The following TTI1 variants were observed in gnomAD, a reference collection of about 807,000 sequenced individuals.
The protein encoded by TTI1 is TELO2 interacting protein 1.
In TTI1, 52 loss-of-function variants were observed where a neutral mutation model predicts 85.4. The ratio of observed to expected loss-of-function variants is 0.61; its 90% CI spans 0.49 to 0.77. The LOEUF (loss-of-function observed/expected upper bound fraction) is 0.77. Ranked by LOEUF, TTI1 falls within the 30% of genes least tolerant of loss-of-function variation. TTI1 has a pLI of 0.00. For synonymous variants in TTI1, 512 were observed against 503.9 expected (o/e 1.02, Z -0.22); for missense variants, 1,173 against 1,296.0 (o/e 0.91, Z 1.46).
At chr20:38,006,546 C>G in intron 2 of TTI1, 149 bp from the exon 3 acceptor site, 1 of 802,862 alleles carries the variant, frequency 1.2e-6, no homozygotes. Context: ...TGCCCATTAA[C>G]TCATCCTTTT....
rs6091654 is a variant in TTI1, at chr20:38,011,566, T to C, written c.2251A>G (p.Lys751Glu). The change falls in exon 2 of 8, where the codon AAG (lysine) becomes GAG (glutamate). Residue 751 changes from lysine (K) to glutamate (E), a missense_variant. Transcript: ENST00000373447. ...ACGCTGACAAAGGAAGCAGCTCTCT[T>C]ATCGTAAAATTGGTCCAGGGTGGCC... ...VLATLDQFYD[K>E]RAASFVSVLH... 1.1e-4 allele frequency: 184 copies of C among 1,614,040 alleles called. No individual in the cohort carries two copies. In the African/African-American group the frequency reaches 2.2e-3, roughly 20 times the overall value.
chr20:38,023,599 G>C (rs1458717798), intron 1 of TTI1, among the ~76,000 whole-genome samples: 3 of 152,164 alleles, frequency 2.0e-5, no homozygotes, highest in Non-Finnish European at 4.4e-5. Context: ...TTAAAATGAT[G>C]AGTTTATTTC....
intron 1 of TTI1, among the ~76,000 whole-genome samples, chr20:38,028,775 G>A (rs1231392113): frequency 6.6e-6 from 1 of 152,248 alleles, no homozygotes; most frequent in Non-Finnish European, 1.5e-5. Flanking sequence ...GTGGCTCGAT[G>A]ATGGCTCACT....
At chr20:38,027,198 G>C (rs1198930352) in intron 1 of TTI1, among the ~76,000 whole-genome samples, 2 of 152,218 alleles carry the variant, frequency 1.3e-5, no homozygotes, top group Non-Finnish European at 2.9e-5. Context: ...ACCAAAATCA[G>C]AGGATGTTGA....
At chr20:38,017,877 G>A (rs1289002094) in intron 1 of TTI1, among the ~76,000 whole-genome samples, 1 of 152,186 alleles carries the variant, frequency 6.6e-6, no homozygotes, top group African/African-American at 2.4e-5. Flanking sequence ...GAAAGCCCTG[G>A]AGGACCATAC....
chr20:38,018,288 T>C (rs1223255634), intron 1 of TTI1, among the ~76,000 whole-genome samples: 1 of 151,848 alleles, frequency 6.6e-6, no homozygotes, highest in Non-Finnish European at 1.5e-5. Context: ...CTGAAATCTA[T>C]AAAAAAAATC....
At position 38,011,662 on chromosome 20, in the gene TTI1, G is replaced by A; in HGVS notation, c.2155C>T (p.Leu719=). The A allele has an allele frequency of 1.2e-6, 2 of 1,614,206 alleles. No homozygotes were observed. The highest frequency in any genetic ancestry group is 1.7e-6 in the Non-Finnish European group (2 of 1,180,040). The stretch of plus-strand genomic sequence containing the variant: ...TCTGAGTTCCGCAGCATGACTTCCA[G>A]GACCTTTGGGGTATGAGGATGCAGA... ...LALHPHTPKV[L]EVMLRNSDAN... The change falls in exon 2 of 8, where the codon CTG becomes TTG. Residue 719 remains leucine (L), a synonymous_variant. Coordinates refer to ENST00000373447, the MANE Select transcript of TTI1 (RefSeq NM_001303457.2).
intron 1 of TTI1, among the ~76,000 whole-genome samples, chr20:38,019,347 A>G (rs2073730473): frequency 6.6e-6 from 1 of 152,196 alleles, no homozygotes; most frequent in African/African-American, 2.4e-5. Context: ...AATAACTATT[A>G]TGTCTTCTGT....
chr20:37,987,637 A>T (rs1038602891), intron 7 of TTI1, among the ~76,000 whole-genome samples: 1 of 152,238 alleles, frequency 6.6e-6, no homozygotes, highest in African/African-American at 2.4e-5. Flanking sequence ...TTATCTCTCA[A>T]TAACCTGTAA....
intron 1 of TTI1, among the ~76,000 whole-genome samples, chr20:38,031,473 C>A (rs777320656): frequency 4.6e-5 from 7 of 152,202 alleles, no homozygotes; most frequent in Non-Finnish European, 8.8e-5. Context: ...ATCAATGAGG[C>A]CTTCTCTGAG....
Position 38,013,351 on chromosome 20 carries a change from A to T in TTI1, c.466T>A (p.Ser156Thr). The T allele has an allele frequency of 6.2e-7, 1 of 1,614,126 alleles. No individual in the cohort carries two copies. The highest frequency in any genetic ancestry group is 1.3e-5 in the African/African-American group (1 of 75,046). ...SILPRLGFAV[S>T]LLLGLAEQEK... ...TGTTCTGCAAGGCCTAACAGTAAAG[A>T]TACAGCAAATCCTAAACGTGGCAGA... is the stretch of plus-strand genomic sequence containing the variant. The change falls in exon 2 of 8, where the codon TCT becomes ACT. Residue 156 changes from serine to threonine, a missense_variant. Physicochemically the swap from Ser to Thr is moderately conservative, Grantham distance 58. Transcript: ENST00000373447.
Position 38,013,560 on chromosome 20 carries a change from C to T in TTI1, c.257G>A (p.Cys86Tyr), listed in dbSNP as rs747501623. 1.9e-6 allele frequency: 3 copies of T among 1,614,182 alleles called. No homozygotes were observed. Among genetic ancestry groups the T allele is most frequent in the East Asian group, 2.2e-5 (1 of 44,878 alleles). Residue 86 changes from cysteine to tyrosine, a missense_variant, in exon 2 of 8, where the codon TGT (cysteine) becomes TAT (tyrosine). Coordinates refer to ENST00000373447, the MANE Select transcript of TTI1 (RefSeq NM_001303457.2). Reference sequence around the variant, plus strand: ...CTGGAGAAGCTCCTGTTCTTTCACACATGTTGAAGAAAGGACAAATGTGAG... The same window carrying T: ...CTGGAGAAGCTCCTGTTCTTTCACATATGTTGAAGAAAGGACAAATGTGAG... Reference protein sequence around the residue: ...ECLTFVLSSTCVKEQELLQEL... With the variant: ...ECLTFVLSSTYVKEQELLQEL...
chr20:38,002,163 AT>A (rs2073435459), intron 4 of TTI1, among the ~76,000 whole-genome samples: 1 of 151,966 alleles, frequency 6.6e-6, no homozygotes, highest in East Asian at 1.9e-4. Flanking sequence ...TCACTACTAC[AT>A]GCTTTCAGCC....
At chr20:37,997,706 C>T (rs1332352367) in intron 5 of TTI1, among the ~76,000 whole-genome samples, 1 of 152,160 alleles carries the variant, frequency 6.6e-6, no homozygotes, top group African/African-American at 2.4e-5. Context: ...GAACAAGGCT[C>T]TCATTTTAGG....
rs1405608470 is a variant in TTI1, at chr20:38,012,203, A to G, written c.1614T>C (p.Val538=). 6.2e-7 allele frequency: 1 copy of G among 1,614,186 alleles called. No homozygotes were observed. Among genetic ancestry groups the G allele is most frequent in the Non-Finnish European group, 8.5e-7 (1 of 1,180,040 alleles). The change falls in exon 2 of 8, where the codon GTT becomes GTC. Residue 538 remains valine, a synonymous_variant. Transcript: ENST00000373447. ...TAATATGTTTTTCGTGAAGATCCTC[A>G]ACCTCCAGCCCAGCAGCCCCTGTAA... ...ELVTGAAGLE[V]EDLHEKHIKT... is the part of the protein sequence containing the mutation.
intron 6 of TTI1, 33 bp downstream of exon 6, chr20:37,996,716 G>A: frequency 6.3e-7 from 1 of 1,579,664 alleles, no homozygotes; most frequent in Non-Finnish European, 8.6e-7. Context: ...GATGCTAAGT[G>A]TGTGTGTTCA....
intron 1 of TTI1, among the ~76,000 whole-genome samples, chr20:38,028,303 G>A (rs2073861179): frequency 6.6e-6 from 1 of 152,180 alleles, no homozygotes; most frequent in Non-Finnish European, 1.5e-5. Flanking sequence ...CAGAATTATA[G>A]AGGCTGATTG....
At chr20:38,010,556 C>T (rs1382340851) in intron 2 of TTI1, among the ~76,000 whole-genome samples, 2 of 151,090 alleles carry the variant, frequency 1.3e-5, no homozygotes, top group South Asian at 2.1e-4. Context: ...CTGCAAGCTC[C>T]GCTTCCCAGG....
In TTI1 at chr20:37,983,369, C is replaced by T. The variant is rs1415011188; in HGVS notation, c.*87G>A. ...TAATTCACCTTCTCTGCTGCCGCTG[C>T]CACCGCCTATGGCCGGGGTGGGGTC... On this transcript the variant is annotated 3_prime_UTR_variant, in exon 8 of 8. Coordinates refer to ENST00000373447, the MANE Select transcript of TTI1 (RefSeq NM_001303457.2). 24 of 1,389,744 alleles carry T rather than the reference C, an allele frequency of 1.7e-5. No homozygotes were observed. The highest frequency in any genetic ancestry group is 2.2e-5 in the Non-Finnish European group (23 of 1,029,790). The allele number at this position is 1,389,744 out of a possible 1,614,324, so 86.1% of individuals were successfully genotyped here.
Sources: gnomAD v4.1 joint callset for allele counts (sites outside exome capture counted in the v4.1 genomes callset) on GRCh38, gnomAD v4.1.1 for gene constraint, MANE v1.5 for transcripts, NCBI Gene and HGNC (gene_info 2026-07-23, HGNC 2026-07-21) for gene names.